Variants in TXNDC9 observed in about 807,000 individuals in gnomAD.
TXNDC9 encodes thioredoxin domain-containing protein 9.
A neutral mutation model predicts 23.0 loss-of-function variants in TXNDC9; 7 were observed. The ratio of observed to expected loss-of-function variants is 0.30; its 90% CI spans 0.17 to 0.57. The LOEUF is 0.57. Among genes scored for constraint, TXNDC9 ranks in the 20% least tolerant of loss-of-function variants. The pLI is 0.90. For missense variants in TXNDC9, 198 were observed against 252.6 expected (o/e 0.78, Z 1.47); for synonymous variants, 72 against 90.6 (o/e 0.79, Z 1.17).
downstream of TXNDC9, among the ~76,000 whole-genome samples, chr2:99,315,388 G>C (rs1383844917): frequency 6.6e-6 from 1 of 151,988 alleles, no homozygotes; most frequent in African/African-American, 2.4e-5. Flanking sequence ...TTTAAATTGG[G>C]TATTTATATT....
chr2:99,315,589 C>T (rs991727131), downstream of TXNDC9, among the ~76,000 whole-genome samples: 1 of 152,072 alleles, frequency 6.6e-6, no homozygotes, highest in Admixed American at 6.5e-5. Flanking sequence ...TTTGTGTAAC[C>T]CAAAGTCGTG....
intron 2 of TXNDC9, chr2:99,332,815 G>C (rs554915530): frequency 2.0e-6 from 1 of 496,310 alleles, no homozygotes; most frequent in Non-Finnish European, 3.5e-6. Context: ...TCTTTTACTC[G>C]ACTGTGGATT....
At chr2:99,311,686 C>T in the TXNDC9 span, among the ~76,000 whole-genome samples, 14 of 152,008 alleles carry the variant, frequency 9.2e-5, no homozygotes, top group Non-Finnish European at 1.3e-4. Flanking sequence ...AGGCTGGTCT[C>T]GAACTCCTGG....
At chr2:99,322,554 GACTT>G (rs2094204977) in intron 3 of TXNDC9, 7 of 1,508,580 alleles carry the variant, frequency 4.6e-6, no homozygotes, top group Middle Eastern at 1.7e-4. Context: ...ACTCGGAAGA[GACTT>G]ACAAGAATCA....
the TXNDC9 span, among the ~76,000 whole-genome samples, chr2:99,312,283 G>A: frequency 6.6e-6 from 1 of 152,124 alleles, no homozygotes; most frequent in African/African-American, 2.4e-5. Context: ...GTTACTTGAG[G>A]TCAGGAGTTC....
chr2:99,307,049 TCCC>T, the TXNDC9 span, among the ~76,000 whole-genome samples: 9 of 143,400 alleles, frequency 6.3e-5, no homozygotes, highest in African/African-American at 1.3e-4. Flanking sequence ...CTTTCTTCCT[TCCC>T]TTCCTCCCTT....
At chr2:99,316,125 T>G, downstream of TXNDC9, among the ~76,000 whole-genome samples, 1 of 151,390 alleles carries the variant, frequency 6.6e-6, no homozygotes, top group East Asian at 1.9e-4. Flanking sequence ...TTCTTTTTTT[T>G]TTTTTTTTGT....
chr2:99,315,340 C>G (rs1344475825), downstream of TXNDC9, among the ~76,000 whole-genome samples: 3 of 152,104 alleles, frequency 2.0e-5, no homozygotes, highest in East Asian at 3.9e-4. Context: ...GCTGGAATTA[C>G]AGGCATGAGC....
rs1050343681 is a variant in TXNDC9, at chr2:99,333,335, T to C, written c.-32-93A>G. The C allele has an allele frequency of 4.6e-5, 47 of 1,017,432 alleles. No homozygotes were observed. The African/African-American group carries it at 4.7e-4, about 10-fold the overall frequency. 63.0% of individuals were successfully genotyped at this position (1,017,432 alleles called of 1,614,324 possible). ...TTCAAAAATTCTGGCAAGTGTATAA[T>C]GTGTACTCTATGGAGTATTCTAACG... On this transcript the variant is annotated intron_variant, in intron 1 of 4. Coordinates refer to ENST00000264255, the MANE Select transcript of TXNDC9 (RefSeq NM_005783.4).
At chr2:99,310,881 G>A in the TXNDC9 span, among the ~76,000 whole-genome samples, 3 of 152,176 alleles carry the variant, frequency 2.0e-5, no homozygotes, top group African/African-American at 7.2e-5. Flanking sequence ...CTGCAGGAGG[G>A]GTTCTGCTGC....
At chr2:99,306,306 C>T in the TXNDC9 span, among the ~76,000 whole-genome samples, 2 of 152,154 alleles carry the variant, frequency 1.3e-5, no homozygotes, top group African/African-American at 4.8e-5. Flanking sequence ...GACTTTGAGA[C>T]AAGTGTGAAC....
intron 4 of TXNDC9, among the ~76,000 whole-genome samples, chr2:99,320,861 G>C (rs774971328): frequency 1.3e-5 from 2 of 152,010 alleles, no homozygotes; most frequent in African/African-American, 2.4e-5. Flanking sequence ...ATGGGCAAAG[G>C]GTCAATGAGG....
At position 99,319,719 on chromosome 2, in the gene TXNDC9, C is replaced by T. The variant is rs1224839820; in HGVS notation, c.644G>A (p.Arg215Gln). 8 of 1,604,302 alleles carry T rather than the reference C, an allele frequency of 5.0e-6. No homozygotes were observed. The highest frequency in any genetic ancestry group is 2.2e-5 in the East Asian group (1 of 44,612). Residue 215 changes from arginine to glutamine, a missense_variant, in exon 5 of 5, where the codon CGA becomes CAA. Arg to Gln is a conservative substitution (Grantham distance 43). Transcript: ENST00000264255. ...NFTKLEKKTIRGKKYDSDSDD... is the reference protein window; with the variant it reads ...NFTKLEKKTIQGKKYDSDSDD... ...AGAGTCTGAATCATATTTCTTTCCTCGGATAGTTTTCTTTTCCAGCTTTGT... is the reference window on the plus strand; with the variant it reads ...AGAGTCTGAATCATATTTCTTTCCTTGGATAGTTTTCTTTTCCAGCTTTGT...
At chr2:99,318,935 A>G (rs931597215), downstream of TXNDC9, 1 of 152,246 alleles carries the variant, frequency 6.6e-6, no homozygotes, top group Admixed American at 6.5e-5. Context: ...CATGGCTCCA[A>G]TGCCACAGAC....
At chr2:99,328,443 C>T (rs2094217836) in intron 2 of TXNDC9, among the ~76,000 whole-genome samples, 1 of 152,128 alleles carries the variant, frequency 6.6e-6, no homozygotes, top group Admixed American at 6.6e-5. Flanking sequence ...ATTTACTTTC[C>T]TGTTTCTACT....
the TXNDC9 span, among the ~76,000 whole-genome samples, chr2:99,312,957 G>A: frequency 6.6e-6 from 1 of 152,122 alleles, no homozygotes; most frequent in African/African-American, 2.4e-5. Context: ...GAGGTCAGGA[G>A]TTTGAGACCA....
intron 3 of TXNDC9, 46 bp from the exon 4 acceptor site, chr2:99,322,255 C>A: frequency 6.4e-7 from 1 of 1,564,656 alleles, no homozygotes; most frequent in South Asian, 1.2e-5. Flanking sequence ...AACCACAGAT[C>A]GCTTTTTTCA....
chr2:99,336,295 C>T lies in TXNDC9; in HGVS notation c.-89G>A, dbSNP rs1375684187. On this transcript the variant is annotated 5_prime_UTR_variant, in exon 1 of 5. Coordinates refer to ENST00000264255, the MANE Select transcript of TXNDC9 (RefSeq NM_005783.4). ...GAGCAGCAGTTTCAAAAGACACGTC[C>T]ACTCCGGCTTTTGCCTTGCAGTAGC... 6 of 985,528 alleles carry T rather than the reference C, an allele frequency of 6.1e-6. No homozygotes were observed. Among genetic ancestry groups the T allele is most frequent in the Non-Finnish European group, 7.2e-6 (6 of 829,988 alleles). The allele number at this position is 985,528 out of a possible 1,614,324, so 61.0% of individuals were successfully genotyped here.
intron 2 of TXNDC9, among the ~76,000 whole-genome samples, chr2:99,332,063 C>T (rs2094227020): frequency 6.6e-6 from 1 of 152,162 alleles, no homozygotes; most frequent in Non-Finnish European, 1.5e-5. Context: ...AGTTAAGCCT[C>T]ATGTTTAAGT....
Sources: allele counts gnomAD v4.1 joint callset (sites outside exome capture counted in the v4.1 genomes callset), GRCh38; gene constraint gnomAD v4.1.1; transcripts MANE v1.5; gene names NCBI Gene and HGNC (gene_info 2026-07-23, HGNC 2026-07-21).